FIGN: variants seen among roughly 807,000 people sequenced by gnomAD.
FIGN encodes fidgetin.
FIGN carries 11 observed loss-of-function variants against 51.3 expected under a neutral mutation model. The ratio of observed to expected loss-of-function variants is 0.21; its 90% CI spans 0.13 to 0.35. The LOEUF (loss-of-function observed/expected upper bound fraction) is 0.35, where lower values mean the gene tolerates loss of function less well. FIGN is among the 10% of genes least tolerant of loss of function. FIGN has a pLI of 1.00. For synonymous variants in FIGN, 407 were observed against 363.2 expected, an observed-to-expected ratio of 1.12 and a Z score of -1.37; for missense variants, 857 against 943.6, an observed-to-expected ratio of 0.91 and a Z score of 1.20.
chr2:163,619,180 CA>C (rs2105304412), intron 2 of FIGN, among the ~76,000 whole-genome samples: 1 of 152,144 alleles, frequency 6.6e-6, no homozygotes, highest in Non-Finnish European at 1.5e-5. Context: ...TACCACAAAC[CA>C]AAGCTTAATT....
At chr2:163,615,089 A>G (rs1349936386) in intron 2 of FIGN, among the ~76,000 whole-genome samples, 3 of 152,188 alleles carry the variant, frequency 2.0e-5, no homozygotes, top group African/African-American at 7.2e-5. Flanking sequence ...TATTTGGAAC[A>G]ATTACTGGAT....
Position 163,611,736 on chromosome 2 carries a change from A to G in FIGN, c.96T>C (p.Thr32=). Residue 32 remains threonine (T), a synonymous_variant, in exon 3 of 3, where the codon ACT becomes ACC. Transcript: ENST00000333129. ...CTTCAACTTTGTGGGCAGGAGACCGAGTGGTTGAGGTGATGTCAAAGTGCT... is the reference window on the plus strand; with the variant it reads ...CTTCAACTTTGTGGGCAGGAGACCGGGTGGTTGAGGTGATGTCAAAGTGCT... ...PEQHFDITST[T]RSPAHKVEAY... The G allele has an allele frequency of 1.9e-6, 3 of 1,614,144 alleles. No individual in the cohort carries two copies. Among genetic ancestry groups the G allele is most frequent in the Non-Finnish European group, 1.7e-6 (2 of 1,179,992 alleles).
At chr2:163,697,427 ATCTC>A (rs1684339849) in intron 2 of FIGN, among the ~76,000 whole-genome samples, 1 of 152,012 alleles carries the variant, frequency 6.6e-6, no homozygotes. Flanking sequence ...TTATGTGTCC[ATCTC>A]CCCCAACCCG....
At chr2:163,722,027 T>C (rs1035784113) in intron 2 of FIGN, among the ~76,000 whole-genome samples, 6 of 152,218 alleles carry the variant, frequency 3.9e-5, no homozygotes, top group African/African-American at 1.4e-4. Flanking sequence ...CTATTTATTG[T>C]AACATTCACG....
chr2:163,717,836 C>A (rs1004071981), intron 2 of FIGN, among the ~76,000 whole-genome samples: 2 of 152,122 alleles, frequency 1.3e-5, no homozygotes, highest in Admixed American at 6.5e-5. Context: ...GAAGGTTATT[C>A]ATTTAAAAAT....
intron 2 of FIGN, among the ~76,000 whole-genome samples, chr2:163,658,364 G>GCTCTCTCTCTCTCTCTCT (rs55894952): frequency 1.5e-5 from 2 of 137,612 alleles, no homozygotes; most frequent in African/African-American, 5.6e-5. Context: ...TTAAGAAACA[G>GCTCTCTCTCTCTCTCTCT]CTCTCTCTCT....
chr2:163,646,523 T>C (rs1415927874), intron 2 of FIGN, among the ~76,000 whole-genome samples: 1 of 152,210 alleles, frequency 6.6e-6, no homozygotes, highest in African/African-American at 2.4e-5. Flanking sequence ...CTCAAGATTT[T>C]ACCTGATTTT....
intron 2 of FIGN, among the ~76,000 whole-genome samples, chr2:163,636,243 C>G (rs575469023): frequency 2.6e-5 from 4 of 152,290 alleles, no homozygotes; most frequent in Admixed American, 6.5e-5. Flanking sequence ...AACACTACCT[C>G]TCTTTTAAAA....
intron 2 of FIGN, among the ~76,000 whole-genome samples, chr2:163,632,564 G>A (rs899066741): frequency 6.6e-6 from 1 of 152,234 alleles, no homozygotes; most frequent in Non-Finnish European, 1.5e-5. Context: ...GGCACTGGAA[G>A]TAGCCTCAGG....
intron 2 of FIGN, among the ~76,000 whole-genome samples, chr2:163,640,206 T>A (rs1683286734): frequency 2.0e-5 from 3 of 152,310 alleles, no homozygotes; most frequent in African/African-American, 4.8e-5. Flanking sequence ...TATGAAAAAA[T>A]TAACATGTTT....
intron 2 of FIGN, among the ~76,000 whole-genome samples, chr2:163,724,874 T>A (rs1186821162): frequency 1.3e-5 from 2 of 152,184 alleles, no homozygotes; most frequent in Admixed American, 1.3e-4. Context: ...TATAATTTGT[T>A]AAAATAGTGC....
chr2:163,661,598 T>C (rs1454098513), intron 2 of FIGN, among the ~76,000 whole-genome samples: 2 of 152,088 alleles, frequency 1.3e-5, no homozygotes, highest in African/African-American at 4.8e-5. Flanking sequence ...CATTTCACCA[T>C]TGATAAGGTT....
At chr2:163,616,392 G>C (rs1359066947) in intron 2 of FIGN, among the ~76,000 whole-genome samples, 1 of 152,184 alleles carries the variant, frequency 6.6e-6, no homozygotes, top group East Asian at 1.9e-4. Context: ...AAATATCAAT[G>C]TGAGGCACTC....
intron 2 of FIGN, among the ~76,000 whole-genome samples, chr2:163,655,253 C>A (rs891397695): frequency 6.6e-6 from 1 of 152,174 alleles, no homozygotes; most frequent in African/African-American, 2.4e-5. Flanking sequence ...ATTCATTTTA[C>A]AAACCTCATA....
chr2:163,649,385 C>T (rs568548712), intron 2 of FIGN, among the ~76,000 whole-genome samples: 268 of 152,302 alleles, frequency 1.8e-3, no homozygotes, highest in African/African-American at 6.2e-3. Flanking sequence ...CTAACAGCTT[C>T]GCCTTTTCTG....
chr2:163,729,769 CAT>C (rs1180420389), intron 2 of FIGN, among the ~76,000 whole-genome samples: 1 of 152,236 alleles, frequency 6.6e-6, no homozygotes, highest in East Asian at 1.9e-4. Flanking sequence ...TATGAGCAAA[CAT>C]ATCCATTTAT....
chr2:163,676,396 A>G (rs1332054047), intron 2 of FIGN, among the ~76,000 whole-genome samples: 2 of 144,320 alleles, frequency 1.4e-5, no homozygotes, highest in African/African-American at 5.0e-5. Context: ...ATTCACTAAA[A>G]TGAAAATATA....
At chr2:163,697,563 C>A (rs1325413545) in intron 2 of FIGN, among the ~76,000 whole-genome samples, 3 of 152,160 alleles carry the variant, frequency 2.0e-5, no homozygotes, top group African/African-American at 7.2e-5. Context: ...CTCTTCAACA[C>A]TATACCTCAT....
intron 2 of FIGN, among the ~76,000 whole-genome samples, chr2:163,656,034 G>A (rs994772659): frequency 6.6e-6 from 1 of 152,176 alleles, no homozygotes; most frequent in Non-Finnish European, 1.5e-5. Flanking sequence ...TTAAACGACT[G>A]AGATTAGGAA....
Sources: gnomAD v4.1 joint callset for allele counts (sites outside exome capture counted in the v4.1 genomes callset) on GRCh38, gnomAD v4.1.1 for gene constraint, MANE v1.5 for transcripts, NCBI Gene and HGNC (gene_info 2026-07-23, HGNC 2026-07-21) for gene names.